Variants in DSCAM observed in about 807,000 individuals in gnomAD.
DSCAM encodes the protein DS cell adhesion molecule.
DSCAM carries 47 observed loss-of-function variants against 217.7 expected under a neutral mutation model. The observed-to-expected ratio is 0.22, with a 90% CI of 0.17 to 0.28. The LOEUF is 0.28. DSCAM is among the 10% of genes least tolerant of loss of function. The probability of loss-of-function intolerance (pLI) is 1.00; values close to 1 mark genes in which losing one functional copy is unlikely to be tolerated. For missense variants in DSCAM, 2,080 were observed against 2,618.3 expected (o/e 0.79, Z 4.49); for synonymous variants, 1,056 against 1,015.3 (o/e 1.04, Z -0.76).
intron 3 of DSCAM, among the ~76,000 whole-genome samples, chr21:40,460,599 A>G (rs1158200895): frequency 3.9e-5 from 6 of 152,204 alleles, no homozygotes; most frequent in Non-Finnish European, 2.9e-5. Context: ...AGTAAATCCT[A>G]TTAATTATCC....
intron 1 of DSCAM, among the ~76,000 whole-genome samples, chr21:40,784,969 A>AT (rs1271592599): frequency 2.6e-5 from 4 of 152,324 alleles, no homozygotes; most frequent in East Asian, 3.9e-4. Flanking sequence ...TATTCATTTG[A>AT]TTTTTTATAT....
intron 3 of DSCAM, among the ~76,000 whole-genome samples, chr21:40,512,016 C>T (rs2076262945): frequency 1.4e-5 from 1 of 72,068 alleles, no homozygotes; most frequent in Non-Finnish European, 2.8e-5. Flanking sequence ...AAAAAGTATT[C>T]TATTTGAGGT....
intron 3 of DSCAM, among the ~76,000 whole-genome samples, chr21:40,619,727 A>C (rs2089453644): frequency 6.6e-6 from 1 of 152,118 alleles, no homozygotes; most frequent in Non-Finnish European, 1.5e-5. Context: ...TACTTTCTAG[A>C]CTTAATGAAT....
chr21:40,167,161 G>A (rs577147522), intron 16 of DSCAM, 57 bp downstream of exon 16: 7 of 1,531,280 alleles, frequency 4.6e-6, no homozygotes, highest in Non-Finnish European at 6.3e-6. Context: ...CTGAACAGGA[G>A]TGAAGGGCTC....
chr21:40,046,740 T>A (rs2088847441), intron 30 of DSCAM, among the ~76,000 whole-genome samples: 1 of 152,170 alleles, frequency 6.6e-6, no homozygotes, highest in Non-Finnish European at 1.5e-5. Flanking sequence ...TGTAGCTCAT[T>A]CTGAGCAGGT....
At chr21:40,489,745 A>G (rs1270730982) in intron 3 of DSCAM, among the ~76,000 whole-genome samples, 3 of 117,646 alleles carry the variant, frequency 2.6e-5, no homozygotes, top group Admixed American at 1.2e-4. Flanking sequence ...ACTGCACTCC[A>G]GCCTGGGCGA....
chr21:40,692,568 A>AC (rs1491193713), intron 3 of DSCAM, among the ~76,000 whole-genome samples: 3 of 152,226 alleles, frequency 2.0e-5, no homozygotes, highest in Non-Finnish European at 4.4e-5. Flanking sequence ...CACAATGGCT[A>AC]CAGTTACAGT....
At chr21:40,342,336 T>C (rs1297685842) in intron 6 of DSCAM, among the ~76,000 whole-genome samples, 1 of 152,050 alleles carries the variant, frequency 6.6e-6, no homozygotes, top group Admixed American at 6.6e-5. Flanking sequence ...AGTCTGTGGT[T>C]GCCTTTTTCT....
intron 3 of DSCAM, among the ~76,000 whole-genome samples, chr21:40,522,246 G>C (rs995509964): frequency 6.6e-6 from 1 of 152,284 alleles, no homozygotes; most frequent in African/African-American, 2.4e-5. Context: ...AGAGTAAATG[G>C]TGTTGTTCTC....
intron 18 of DSCAM, among the ~76,000 whole-genome samples, chr21:40,140,451 T>C (rs2090275966): frequency 6.6e-6 from 1 of 152,192 alleles, no homozygotes; most frequent in Non-Finnish European, 1.5e-5. Flanking sequence ...TGCTAGCAAA[T>C]GTGAGTGAGC....
Position 40,084,011 on chromosome 21 carries a change from A to G in DSCAM, c.4133-5T>C, listed in dbSNP as rs758714851. The stretch of plus-strand genomic sequence containing the variant: ...GCCGAGGCTGATCTGGTGGAACTGG[A>G]GAGGAAACAGTTTTTAGAAAACAAG... On this transcript the variant is annotated splice_polypyrimidine_tract_variant and splice_region_variant and intron_variant, in intron 23 of 32. Transcript: ENST00000400454. The G allele has an allele frequency of 6.2e-7, 1 of 1,606,136 alleles. No homozygotes were observed. The highest frequency in any genetic ancestry group is 1.1e-5 in the South Asian group (1 of 89,510).
chr21:40,706,649 C>CT (rs1318673473), intron 2 of DSCAM, among the ~76,000 whole-genome samples: 1 of 152,168 alleles, frequency 6.6e-6, no homozygotes, highest in Non-Finnish European at 1.5e-5. Flanking sequence ...CAAACCTACC[C>CT]TTCAGCTGTC....
In DSCAM at chr21:40,556,495, G is replaced by A. The variant is rs1420237380; in HGVS notation, c.508+136315C>T. ...GCTATGACAGTATACAGAGGTCTGG[G>A]TAATAATTCATAAAGAAAAAAGGTT... On this transcript the variant is annotated intron_variant, in intron 3 of 32. Coordinates refer to ENST00000400454, the MANE Select transcript of DSCAM (RefSeq NM_001389.5). 2.0e-5 allele frequency among the ~76,000 whole-genome samples: 3 copies of A among 152,138 alleles called. No homozygotes were observed. In the East Asian group the frequency reaches 5.8e-4, roughly 29 times the overall value.
chr21:40,194,243 C>G (rs1302144983), intron 11 of DSCAM, among the ~76,000 whole-genome samples: 1 of 152,174 alleles, frequency 6.6e-6, no homozygotes, highest in Non-Finnish European at 1.5e-5. Context: ...AATGCTCTGA[C>G]TAGCCCATGT....
At chr21:40,288,672 T>C (rs1392761354) in intron 10 of DSCAM, among the ~76,000 whole-genome samples, 2 of 152,220 alleles carry the variant, frequency 1.3e-5, no homozygotes, top group Non-Finnish European at 2.9e-5. Context: ...GGCTCTTCAA[T>C]AAATGGTTTT....
At chr21:40,474,602 A>T (rs758409047) in intron 3 of DSCAM, among the ~76,000 whole-genome samples, 1 of 152,140 alleles carries the variant, frequency 6.6e-6, no homozygotes. Context: ...GCTCCCGCAG[A>T]GCAGAGTTTG....
chr21:40,114,416 G>T (rs1290431499), intron 20 of DSCAM, among the ~76,000 whole-genome samples: 1 of 150,598 alleles, frequency 6.6e-6, no homozygotes, highest in Non-Finnish European at 1.5e-5. Context: ...ATTAATTCAA[G>T]ATGGATTAAA....
intron 1 of DSCAM, among the ~76,000 whole-genome samples, chr21:40,745,491 T>C (rs71318537): frequency 0.3 from 45,122 of 152,064 alleles, 7,791 homozygotes; most frequent in East Asian, 0.41. Context: ...CCAGAAGAGA[T>C]TGGGATGATA....
chr21:40,095,604 T>C (rs1341247644), intron 20 of DSCAM, among the ~76,000 whole-genome samples: 1 of 152,136 alleles, frequency 6.6e-6, no homozygotes, highest in African/African-American at 2.4e-5. Context: ...GTGATGAAAA[T>C]GTTCTAAAAT....
Sources: allele counts gnomAD v4.1 joint callset (sites outside exome capture counted in the v4.1 genomes callset), GRCh38; gene constraint gnomAD v4.1.1; transcripts MANE v1.5; gene names NCBI Gene and HGNC (gene_info 2026-07-23, HGNC 2026-07-21).